Variants in CPT1A observed in about 807,000 individuals in gnomAD.
CPT1A encodes the protein carnitine palmitoyltransferase 1A.
CPT1A carries 64 observed loss-of-function variants against 100.8 expected under a neutral mutation model. The ratio of observed to expected loss-of-function variants is 0.63; its 90% CI spans 0.52 to 0.78. The LOEUF (loss-of-function observed/expected upper bound fraction) is 0.78, where lower values mean the gene tolerates loss of function less well. Ranked by LOEUF, CPT1A falls within the 30% of genes least tolerant of loss-of-function variation. CPT1A has a pLI of 0.00. For synonymous variants in CPT1A, 363 were observed against 396.0 expected, an observed-to-expected ratio of 0.92 and a Z score of 0.99; for missense variants, 802 against 1,034.1, an observed-to-expected ratio of 0.78 and a Z score of 3.08.
rs115679938 is a variant in CPT1A, at chr11:68,827,542, T to C, written c.-13-12055A>G. On this transcript the variant is annotated intron_variant, in intron 1 of 18. Transcript: ENST00000265641. ...CTACCCCACCCCACCCCCACCAGTT[T>C]GTTTGTTTATTTTTGTTTTTGTAGA... 7.5e-3 allele frequency among the ~76,000 whole-genome samples: 1,108 copies of C among 147,274 alleles called. 11 individuals are homozygous for C. The highest frequency in any genetic ancestry group is 0.025 in the African/African-American group (1,027 of 40,338).
chr11:68,766,708 G>A (rs1006220551), intron 14 of CPT1A, among the ~76,000 whole-genome samples: 3 of 151,410 alleles, frequency 2.0e-5, no homozygotes, highest in Non-Finnish European at 2.9e-5. Flanking sequence ...GGCTGGTTTC[G>A]AACTTCTGAC....
intron 4 of CPT1A, among the ~76,000 whole-genome samples, chr11:68,806,589 CT>C (rs1274579010): frequency 2.1e-4 from 32 of 149,698 alleles, no homozygotes; most frequent in African/African-American, 7.6e-4. Flanking sequence ...GATGGTGCCA[CT>C]ATACTCCAGC....
chr11:68,822,778 G>A (rs748809029), intron 1 of CPT1A, among the ~76,000 whole-genome samples: 55 of 152,278 alleles, frequency 3.6e-4, no homozygotes, highest in Non-Finnish European at 6.9e-4. Context: ...TCCGACACCT[G>A]CTGCAACATG....
At chr11:68,781,699 G>C in intron 11 of CPT1A, 72 bp downstream of exon 11, 1 of 1,243,544 alleles carries the variant, frequency 8.0e-7, no homozygotes, top group South Asian at 1.2e-5. Flanking sequence ...TTAGGGGTGA[G>C]TGTCAGGCAC....
rs1264853888 is a variant in CPT1A, at chr11:68,785,060, C to CA, written c.968-51dup. The CA allele has an allele frequency of 3.2e-6, 5 of 1,568,684 alleles. No homozygotes were observed. In the East Asian group the frequency reaches 1.1e-4, roughly 35 times the overall value. The stretch of plus-strand genomic sequence containing the variant: ...ACAAAACCAAGAGTCCCAAGTTCAG[C>CA]ACGTGCTGAGACGACCGTACCCTGA... On this transcript the variant is annotated intron_variant, in intron 9 of 18. Coordinates refer to ENST00000265641, the MANE Select transcript of CPT1A (RefSeq NM_001876.4).
At chr11:68,773,587 G>T in intron 13 of CPT1A, 158 bp from the exon 14 acceptor site, 1 of 1,369,190 alleles carries the variant, frequency 7.3e-7, no homozygotes, top group Non-Finnish European at 9.9e-7. Flanking sequence ...GTAAGTTAGG[G>T]GCATGGCTCC....
chr11:68,807,708 C>G (rs548019236), intron 3 of CPT1A, 70 bp from the exon 4 acceptor site: 2 of 1,496,442 alleles, frequency 1.3e-6, no homozygotes, highest in Non-Finnish European at 1.8e-6. Flanking sequence ...CCACCGGTGA[C>G]GCCACAGACA....
chr11:68,827,349 C>G (rs992262211), intron 1 of CPT1A, among the ~76,000 whole-genome samples: 2 of 152,110 alleles, frequency 1.3e-5, no homozygotes, highest in Non-Finnish European at 2.9e-5. Flanking sequence ...TACACATACA[C>G]AAGCTCCAGT....
At chr11:68,760,740 C>T (rs1361284166) in intron 16 of CPT1A, among the ~76,000 whole-genome samples, 1 of 152,190 alleles carries the variant, frequency 6.6e-6, no homozygotes, top group Non-Finnish European at 1.5e-5. Flanking sequence ...TTGCCAGGCG[C>T]AATGGTTCAT....
intron 2 of CPT1A, among the ~76,000 whole-genome samples, chr11:68,813,031 A>G (rs1318963669): frequency 6.6e-6 from 1 of 151,722 alleles, no homozygotes; most frequent in Non-Finnish European, 1.5e-5. Context: ...CCCCATGTCG[A>G]GAATTTGCTG....
rs1177976460 is a variant in CPT1A at position 68,838,571 on chromosome 11, T to TAAAAAAAA, written c.-14+3203_-14+3204insTTTTTTTT. On this transcript the variant is annotated intron_variant, in intron 1 of 18. Coordinates refer to ENST00000265641, the MANE Select transcript of CPT1A (RefSeq NM_001876.4). The stretch of plus-strand genomic sequence containing the variant: ...GACTCTACTCTGTATCTGCACCTTT[T>TAAAAAAAA]TAAAAAAAAAAAAAAAAAAACAGAG... 7.1e-3 allele frequency among the ~76,000 whole-genome samples: 530 copies of TAAAAAAAA among 74,166 alleles called. 43 individuals are homozygous for TAAAAAAAA. The highest frequency in any genetic ancestry group is 0.024 in the South Asian group (51 of 2,134). The allele number at this position is 74,166 out of a possible 152,430, so 48.7% of individuals were successfully genotyped here. A position where few individuals can be genotyped will look rare whatever the true frequency, so the allele number is the denominator to read the frequency against.
At chr11:68,786,590 G>A (rs944413863) in intron 9 of CPT1A, among the ~76,000 whole-genome samples, 9 of 152,224 alleles carry the variant, frequency 5.9e-5, no homozygotes, top group African/African-American at 2.2e-4. Context: ...GAGTGCAGTG[G>A]CGCGATCTCG....
intron 7 of CPT1A, among the ~76,000 whole-genome samples, chr11:68,796,418 T>C (rs531641972): frequency 3.4e-4 from 51 of 152,196 alleles, no homozygotes; most frequent in African/African-American, 1.2e-3. Flanking sequence ...TAGCTGGGCG[T>C]GGTGGTGGGC....
At chr11:68,764,655 A>C (rs1405382730) in intron 14 of CPT1A, among the ~76,000 whole-genome samples, 1 of 152,238 alleles carries the variant, frequency 6.6e-6, no homozygotes, top group Non-Finnish European at 1.5e-5. Context: ...GGCTCCTCAC[A>C]GTGCAGCCAA....
intron 1 of CPT1A, among the ~76,000 whole-genome samples, chr11:68,820,442 G>A (rs535752710): frequency 7.9e-5 from 12 of 152,138 alleles, no homozygotes; most frequent in Admixed American, 2.6e-4. Flanking sequence ...CAGCACTTTG[G>A]GAGGCCCAGG....
chr11:68,804,161 T>C, intron 4 of CPT1A, 60 bp from the exon 5 acceptor site: 3 of 1,279,148 alleles, frequency 2.3e-6, no homozygotes, highest in Non-Finnish European at 3.4e-6. Context: ...GCACCTGTTC[T>C]CGTCTGATCT....
intron 7 of CPT1A, 114 bp downstream of exon 7, chr11:68,796,742 C>A: frequency 1.0e-6 from 1 of 998,110 alleles, no homozygotes; most frequent in Non-Finnish European, 1.5e-6. Context: ...GGAGCATGAG[C>A]CAATCCCCAG....
chr11:68,812,308 C>T (rs1218282668), intron 3 of CPT1A, 129 bp downstream of exon 3: 39 of 1,323,036 alleles, frequency 2.9e-5, no homozygotes, highest in Admixed American at 5.1e-5. Context: ...AGAAAGCTGA[C>T]GTGAGAACAG....
chr11:68,763,521 C>T (rs1342823562), intron 14 of CPT1A, among the ~76,000 whole-genome samples: 1 of 152,020 alleles, frequency 6.6e-6, no homozygotes, highest in Admixed American at 6.5e-5. Flanking sequence ...GGAAGAATGT[C>T]TAGCAGGAGG....
Sources: gnomAD v4.1 joint callset for allele counts (sites outside exome capture counted in the v4.1 genomes callset) on GRCh38, gnomAD v4.1.1 for gene constraint, MANE v1.5 for transcripts, NCBI Gene and HGNC (gene_info 2026-07-23, HGNC 2026-07-21) for gene names.